CRIM1: variants seen among roughly 807,000 people sequenced by gnomAD.
CRIM1 encodes cysteine-rich motor neuron 1 protein.
CRIM1 carries 32 observed loss-of-function variants against 116.4 expected under a neutral mutation model. That is an observed-to-expected ratio of 0.27 (90% CI 0.21 to 0.37). The LOEUF is 0.37. CRIM1 is among the 10% of genes least tolerant of loss of function. The pLI, the probability that CRIM1 is intolerant of heterozygous loss-of-function variation, is 1.00. For missense variants in CRIM1, 1,331 were observed against 1,354.8 expected (o/e 0.98, Z 0.28); for synonymous variants, 590 against 509.2 (o/e 1.16, Z -2.13).
chr2:36,474,518 A>G (rs1056056850), intron 5 of CRIM1, among the ~76,000 whole-genome samples: 7 of 152,162 alleles, frequency 4.6e-5, no homozygotes, highest in Non-Finnish European at 7.4e-5. Flanking sequence ...TGTGAGGCAT[A>G]GGGTTTTCTT....
chr2:36,405,666 T>C (rs1045843565), intron 2 of CRIM1, among the ~76,000 whole-genome samples: 1 of 152,212 alleles, frequency 6.6e-6, no homozygotes, highest in African/African-American at 2.4e-5. Flanking sequence ...AGAAATGGAT[T>C]TGTTGTGCTG....
chr2:36,381,029 C>G (rs1033352441), intron 1 of CRIM1, among the ~76,000 whole-genome samples: 2 of 152,224 alleles, frequency 1.3e-5, no homozygotes, highest in African/African-American at 4.8e-5. Context: ...ATGACTTTGT[C>G]CCAGAATACA....
chr2:36,395,565 G>A (rs1359277872), intron 1 of CRIM1, among the ~76,000 whole-genome samples: 1 of 152,152 alleles, frequency 6.6e-6, no homozygotes, highest in East Asian at 1.9e-4. Flanking sequence ...GAAGAATTGA[G>A]CCTGCATATG....
At chr2:36,423,085 T>A (rs1674191855) in intron 2 of CRIM1, among the ~76,000 whole-genome samples, 1 of 152,234 alleles carries the variant, frequency 6.6e-6, no homozygotes, top group Non-Finnish European at 1.5e-5. Context: ...CTTTGTTTGA[T>A]CTCTTAATTG....
At chr2:36,401,721 A>G (rs1672416297) in intron 2 of CRIM1, among the ~76,000 whole-genome samples, 1 of 152,216 alleles carries the variant, frequency 6.6e-6, no homozygotes, top group Admixed American at 6.5e-5. Context: ...TAAAAAAATT[A>G]TTGTAATTCA....
Position 36,537,225 on chromosome 2 carries a change from T to G in CRIM1, c.2429-127T>G, listed in dbSNP as rs893214636. On this transcript the variant is annotated intron_variant, in intron 13 of 16. Transcript: ENST00000280527. Reference sequence around the variant, plus strand: ...ATGAAAGACTAGGGAAACAAAAGTTTCACCAAGTTCCAGAAGTCCTAAAGC... The same window carrying G: ...ATGAAAGACTAGGGAAACAAAAGTTGCACCAAGTTCCAGAAGTCCTAAAGC... 17 of 872,778 alleles carry G rather than the reference T, an allele frequency of 1.9e-5. No homozygotes were observed. The African/African-American group carries it at 2.9e-4, about 15-fold the overall frequency. 54.1% of individuals were successfully genotyped at this position (872,778 alleles called of 1,614,324 possible). A position where few individuals can be genotyped will look rare whatever the true frequency, so the allele number is the denominator to read the frequency against.
chr2:36,397,044 G>A (rs11885390), intron 2 of CRIM1, among the ~76,000 whole-genome samples: 29,557 of 152,092 alleles, frequency 0.19, 3,121 homozygotes, highest in South Asian at 0.33. Context: ...TCTGCATAAT[G>A]GATGATTTCA....
chr2:36,372,969 G>A (rs970070316), intron 1 of CRIM1, among the ~76,000 whole-genome samples: 6 of 151,940 alleles, frequency 3.9e-5, no homozygotes, highest in Non-Finnish European at 7.4e-5. Context: ...CCTATAACTC[G>A]TTAAAAATAT....
At chr2:36,424,181 T>C (rs1339049520) in intron 2 of CRIM1, among the ~76,000 whole-genome samples, 6 of 152,184 alleles carry the variant, frequency 3.9e-5, no homozygotes, top group Non-Finnish European at 5.9e-5. Flanking sequence ...AAATAATTAA[T>C]GATGCAATGT....
intron 1 of CRIM1, among the ~76,000 whole-genome samples, chr2:36,360,930 G>A (rs1669185013): frequency 6.6e-6 from 1 of 152,104 alleles, no homozygotes; most frequent in South Asian, 2.1e-4. Context: ...TAGACAGGGA[G>A]CCCTTAGATC....
At chr2:36,389,582 G>A (rs1671423907) in intron 1 of CRIM1, among the ~76,000 whole-genome samples, 7 of 152,108 alleles carry the variant, frequency 4.6e-5, no homozygotes, top group Admixed American at 4.6e-4. Flanking sequence ...CATATTTCTG[G>A]TAAGTGGATT....
intron 5 of CRIM1, among the ~76,000 whole-genome samples, chr2:36,468,611 G>C (rs1678234746): frequency 6.6e-6 from 1 of 152,182 alleles, no homozygotes; most frequent in Non-Finnish European, 1.5e-5. Context: ...CTCCAAAGCA[G>C]TGTTGTAACA....
chr2:36,441,578 C>G (rs1675829790), intron 3 of CRIM1, 78 bp downstream of exon 3: 4 of 1,544,598 alleles, frequency 2.6e-6, no homozygotes, highest in Non-Finnish European at 2.6e-6. Context: ...CACCCCTGGC[C>G]TCTCCTTTCA....
At chr2:36,484,432 A>G (rs1394054005) in intron 7 of CRIM1, among the ~76,000 whole-genome samples, 3 of 152,092 alleles carry the variant, frequency 2.0e-5, no homozygotes, top group African/African-American at 7.2e-5. Context: ...TTAGAAATCT[A>G]TTTTGTGATT....
intron 2 of CRIM1, among the ~76,000 whole-genome samples, chr2:36,427,396 C>G (rs1309885424): frequency 6.6e-6 from 1 of 152,088 alleles, no homozygotes; most frequent in East Asian, 1.9e-4. Flanking sequence ...ATTAACTTCC[C>G]CTCATAAAAC....
chr2:36,487,216 C>T (rs1306734493), intron 7 of CRIM1, among the ~76,000 whole-genome samples: 1 of 152,134 alleles, frequency 6.6e-6, no homozygotes, highest in African/African-American at 2.4e-5. Context: ...ATTCATTGGA[C>T]TCAACACTCC....
chr2:36,490,279 T>C (rs1052408476), intron 7 of CRIM1, among the ~76,000 whole-genome samples: 4 of 152,188 alleles, frequency 2.6e-5, no homozygotes, highest in Admixed American at 2.0e-4. Flanking sequence ...CAGTATAGTC[T>C]TTTCTTGACA....
At chr2:36,375,542 A>G (rs1230578950) in intron 1 of CRIM1, among the ~76,000 whole-genome samples, 1 of 152,236 alleles carries the variant, frequency 6.6e-6, no homozygotes, top group Non-Finnish European at 1.5e-5. Flanking sequence ...AAGGAAGACA[A>G]ACATTTTGAT....
chr2:36,410,932 C>G lies in CRIM1; in HGVS notation c.505+14145C>G, dbSNP rs112660954. ...GGACTTGTTCCATGGTGGTCCTGCT[C>G]TGACCTCAGAGGACCTTGCTTGCTG... On this transcript the variant is annotated intron_variant, in intron 2 of 16. Transcript: ENST00000280527. Among the ~76,000 whole-genome samples, 920 of 152,302 alleles carry G rather than the reference C, an allele frequency of 6.0e-3. 9 individuals carry two copies. The highest frequency in any genetic ancestry group is 0.02 in the African/African-American group (844 of 41,566).
Sources: allele counts gnomAD v4.1 joint callset (sites outside exome capture counted in the v4.1 genomes callset), GRCh38; gene constraint gnomAD v4.1.1; transcripts MANE v1.5; gene names NCBI Gene and HGNC (gene_info 2026-07-23, HGNC 2026-07-21).